Variants in RAVER2 observed in about 807,000 individuals in gnomAD.
The protein encoded by RAVER2 is ribonucleoprotein PTB-binding 2.
Under a neutral mutation model 78.1 loss-of-function variants are expected in RAVER2, and 46 were observed. The ratio of observed to expected loss-of-function variants is 0.59; its 90% CI spans 0.46 to 0.75. The LOEUF is 0.75. Among genes scored for constraint, RAVER2 ranks in the 30% least tolerant of loss-of-function variants. The pLI is 0.00. For synonymous variants in RAVER2, 311 were observed against 313.3 expected, an observed-to-expected ratio of 0.99 and a Z score of 0.08; for missense variants, 793 against 837.5, an observed-to-expected ratio of 0.95 and a Z score of 0.66.
chr1:64,807,594 T>C lies in RAVER2; in HGVS notation c.1680+120T>C, dbSNP rs184254852. On this transcript the variant is annotated intron_variant, in intron 9 of 11. Transcript: ENST00000294428. ...TGATGACTTTTTCATAGTTTACATT[T>C]ACTTTTCAAAATTGAAGAAAACATT... The C allele has an allele frequency of 2.2e-3, 2,365 of 1,087,300 alleles. 8 individuals are homozygous for C. Among genetic ancestry groups the C allele is most frequent in the Non-Finnish European group, 2.4e-3 (1,898 of 802,556 alleles). The allele number at this position is 1,087,300 out of a possible 1,614,324, so 67.4% of individuals were successfully genotyped here. A position where few individuals can be genotyped will look rare whatever the true frequency, so the allele number is the denominator to read the frequency against.
At chr1:64,826,140 T>C (rs1161137711) in intron 11 of RAVER2, among the ~76,000 whole-genome samples, 1 of 152,244 alleles carries the variant, frequency 6.6e-6, no homozygotes, top group Non-Finnish European at 1.5e-5. Flanking sequence ...CATTTACTCA[T>C]TCAACCAGTA....
intron 2 of RAVER2, among the ~76,000 whole-genome samples, chr1:64,775,016 A>G (rs562832511): frequency 2.0e-5 from 3 of 152,302 alleles, no homozygotes; most frequent in African/African-American, 7.2e-5. Flanking sequence ...TGATTTTCCC[A>G]CATTGATTTT....
At chr1:64,821,397 T>G (rs1490939281) in intron 11 of RAVER2, among the ~76,000 whole-genome samples, 1 of 152,224 alleles carries the variant, frequency 6.6e-6, no homozygotes, top group Non-Finnish European at 1.5e-5. Flanking sequence ...AGGCTCTTAA[T>G]TAGATTCCAC....
intron 5 of RAVER2, among the ~76,000 whole-genome samples, chr1:64,797,067 T>C (rs2483617): frequency 1 from 151,908 of 152,306 alleles, 75,756 homozygotes; most frequent in Middle Eastern, 1. Context: ...TAGACAGAGA[T>C]GATACTTTGT....
intron 2 of RAVER2, among the ~76,000 whole-genome samples, chr1:64,773,295 G>A (rs905257286): frequency 1.3e-5 from 2 of 151,962 alleles, no homozygotes; most frequent in Non-Finnish European, 2.9e-5. Flanking sequence ...CCATCAACCC[G>A]TCATCTACAT....
exon 12 of RAVER2, chr1:64,831,164 T>C (rs558982528): frequency 3.9e-6 from 2 of 515,240 alleles, no homozygotes; most frequent in Admixed American, 3.8e-5. Context: ...AGAAGAGACA[T>C]CAATTGAGGA....
intron 11 of RAVER2, among the ~76,000 whole-genome samples, chr1:64,827,711 T>C (rs1654034201): frequency 6.6e-6 from 1 of 152,266 alleles, no homozygotes; most frequent in South Asian, 2.1e-4. Flanking sequence ...AGTTTCATGC[T>C]ACATTTTAAA....
chr1:64,799,111 A>G (rs925535865), intron 5 of RAVER2, among the ~76,000 whole-genome samples: 5 of 152,154 alleles, frequency 3.3e-5, no homozygotes, highest in African/African-American at 1.2e-4. Flanking sequence ...CCCAGACTCT[A>G]ATAACCATGA....
chr1:64,787,639 A>G (rs1457730546), intron 4 of RAVER2, among the ~76,000 whole-genome samples: 1 of 152,108 alleles, frequency 6.6e-6, no homozygotes, highest in Non-Finnish European at 1.5e-5. Context: ...CTGCCCGCCT[A>G]GTGTTATCTT....
At chr1:64,753,468 A>G (rs764795445) in intron 1 of RAVER2, among the ~76,000 whole-genome samples, 6 of 151,740 alleles carry the variant, frequency 4.0e-5, no homozygotes, top group African/African-American at 1.2e-4. Context: ...AATATATACA[A>G]TGTATTCACT....
chr1:64,750,609 T>C (rs1011288566), intron 1 of RAVER2, among the ~76,000 whole-genome samples: 4 of 152,218 alleles, frequency 2.6e-5, no homozygotes, highest in Non-Finnish European at 5.9e-5. Context: ...TTATGTCCTT[T>C]AACTGTGGGA....
intron 11 of RAVER2, among the ~76,000 whole-genome samples, chr1:64,826,893 T>A (rs572165727): frequency 6.6e-6 from 1 of 152,242 alleles, no homozygotes; most frequent in Non-Finnish European, 1.5e-5. Context: ...AGGAGCCAAG[T>A]CCCCAAGAGT....
intron 4 of RAVER2, 145 bp downstream of exon 4, chr1:64,781,716 A>T (rs558972819): frequency 1.2e-5 from 10 of 837,374 alleles, no homozygotes; most frequent in Non-Finnish European, 1.6e-5. Flanking sequence ...CCTTTTTTTT[A>T]AAAAAGGTTA....
intron 1 of RAVER2, among the ~76,000 whole-genome samples, chr1:64,757,035 T>A (rs1434410956): frequency 1.3e-5 from 2 of 152,250 alleles, no homozygotes; most frequent in Non-Finnish European, 2.9e-5. Context: ...CTTAAGGGGA[T>A]GTCTGCTAAG....
At chr1:64,802,377 C>T (rs1653291750) in intron 5 of RAVER2, among the ~76,000 whole-genome samples, 1 of 152,152 alleles carries the variant, frequency 6.6e-6, no homozygotes, top group Non-Finnish European at 1.5e-5. Flanking sequence ...CCCCCACCTG[C>T]TCCCTTTTGT....
Position 64,763,917 on chromosome 1 carries a change from T to TACACACACACACACACACACACACACAC in RAVER2, c.250-4728_250-4701dup, listed in dbSNP as rs58298918. On this transcript the variant is annotated intron_variant, in intron 1 of 11. Transcript: ENST00000294428. ...AAACTCCATCTCAAAAAAACAAAAA[T>TACACACACACACACACACACACACACAC]ACACACACACACACACACACACACA... is the stretch of plus-strand genomic sequence containing the variant. 1.4e-4 allele frequency among the ~76,000 whole-genome samples: 19 copies of TACACACACACACACACACACACACACAC among 133,810 alleles called. 1 individual carries two copies. The East Asian group carries it at 3.4e-3, about 24-fold the overall frequency. The allele number at this position is 133,810 out of a possible 152,430, so 87.8% of individuals were successfully genotyped here. A position where few individuals can be genotyped will look rare whatever the true frequency, so the allele number is the denominator to read the frequency against.
At chr1:64,816,016 A>C (rs964327129) in intron 11 of RAVER2, 22 of 152,228 alleles carry the variant, frequency 1.4e-4, no homozygotes, top group Admixed American at 7.9e-4. Context: ...TAAAATTTAC[A>C]AGATATAGTC....
At chr1:64,750,405 C>G (rs1651667338) in intron 1 of RAVER2, among the ~76,000 whole-genome samples, 2 of 151,376 alleles carry the variant, frequency 1.3e-5, no homozygotes, top group Non-Finnish European at 2.9e-5. Context: ...AACTCCTGGG[C>G]TCAAGTGATC....
chr1:64,777,270 C>T (rs993665627), intron 2 of RAVER2, among the ~76,000 whole-genome samples: 1 of 151,956 alleles, frequency 6.6e-6, no homozygotes, highest in African/African-American at 2.4e-5. Context: ...AATTTTATAT[C>T]ACAGGTTTTT....
Sources: gnomAD v4.1 joint callset for allele counts (sites outside exome capture counted in the v4.1 genomes callset) on GRCh38, gnomAD v4.1.1 for gene constraint, MANE v1.5 for transcripts, NCBI Gene and HGNC (gene_info 2026-07-23, HGNC 2026-07-21) for gene names.